Variants in PTPRM observed in about 807,000 individuals in gnomAD.
PTPRM encodes the protein receptor-type tyrosine-protein phosphatase mu.
A neutral mutation model predicts 186.7 loss-of-function variants in PTPRM; 47 were observed. The observed-to-expected ratio is 0.25, with a 90% CI of 0.20 to 0.32. PTPRM has a LOEUF of 0.32. Ranked by LOEUF, PTPRM falls within the 10% of genes least tolerant of loss-of-function variation. The pLI, the probability that PTPRM is intolerant of heterozygous loss-of-function variation, is 1.00. For synonymous variants in PTPRM, 668 were observed against 674.9 expected (o/e 0.99, Z 0.16); for missense variants, 1,494 against 1,865.0 (o/e 0.80, Z 3.66).
intron 14 of PTPRM, among the ~76,000 whole-genome samples, chr18:8,243,252 A>T (rs1350934642): frequency 1.3e-5 from 2 of 152,322 alleles, no homozygotes; most frequent in East Asian, 3.9e-4. Context: ...TCTCCAAAAG[A>T]ATTAGAAATC....
chr18:8,145,543 A>C (rs973496360), intron 14 of PTPRM, among the ~76,000 whole-genome samples: 3 of 151,796 alleles, frequency 2.0e-5, no homozygotes, highest in Non-Finnish European at 4.4e-5. Flanking sequence ...TCATTGTTCA[A>C]CTCCCACATA....
chr18:7,632,382 A>G (rs1280460046), intron 1 of PTPRM, among the ~76,000 whole-genome samples: 1 of 152,206 alleles, frequency 6.6e-6, no homozygotes, highest in African/African-American at 2.4e-5. Flanking sequence ...CACAGATAGT[A>G]AGGGTAAAAT....
At position 8,126,027 on chromosome 18, in the gene PTPRM, A is replaced by ATTTTTT. The variant is rs752110255; in HGVS notation, c.2167+11204_2167+11205insTTTTTT. The stretch of plus-strand genomic sequence containing the variant: ...TATATATATATATATATATATATAT[A>ATTTTTT]TTTTAAATCAGTAGACCTTTCCATT... On this transcript the variant is annotated intron_variant, in intron 13 of 32. Transcript: ENST00000580170. Among the ~76,000 whole-genome samples, 122 of 69,510 alleles carry ATTTTTT rather than the reference A, an allele frequency of 1.8e-3. 5 individuals carry two copies. Among genetic ancestry groups the ATTTTTT allele is most frequent in the East Asian group, 8.2e-3 (15 of 1,820 alleles). The allele number at this position is 69,510 out of a possible 152,430, so 45.6% of individuals were successfully genotyped here. A position where few individuals can be genotyped will look rare whatever the true frequency, so the allele number is the denominator to read the frequency against.
intron 32 of PTPRM, among the ~76,000 whole-genome samples, chr18:8,398,108 A>C (rs2095853700): frequency 6.6e-6 from 1 of 152,074 alleles, no homozygotes; most frequent in Non-Finnish European, 1.5e-5. Context: ...AAGTAGCTGG[A>C]ACTAAAGGGG....
intron 1 of PTPRM, among the ~76,000 whole-genome samples, chr18:7,582,903 A>G (rs1309729138): frequency 6.6e-6 from 1 of 152,202 alleles, no homozygotes; most frequent in Non-Finnish European, 1.5e-5. Flanking sequence ...TAATAGCCTC[A>G]TTAAACTTGA....
intron 14 of PTPRM, among the ~76,000 whole-genome samples, chr18:8,163,978 G>A (rs970938928): frequency 1.2e-4 from 18 of 152,238 alleles, no homozygotes; most frequent in Admixed American, 8.5e-4. Flanking sequence ...GTGATAATAC[G>A]TGAAGAACTT....
intron 2 of PTPRM, among the ~76,000 whole-genome samples, chr18:7,819,987 G>T (rs2045094931): frequency 6.6e-6 from 1 of 152,186 alleles, no homozygotes; most frequent in African/African-American, 2.4e-5. Flanking sequence ...TAAAGTGGAT[G>T]GTCTCATGTT....
At chr18:7,623,088 G>T in intron 1 of PTPRM, among the ~76,000 whole-genome samples, 1 of 151,898 alleles carries the variant, frequency 6.6e-6, no homozygotes, top group Middle Eastern at 3.2e-3. Context: ...TGTTAAACTT[G>T]CTTATTTTAG....
chr18:7,801,346 A>G (rs564975885), intron 2 of PTPRM, among the ~76,000 whole-genome samples: 1 of 152,180 alleles, frequency 6.6e-6, no homozygotes, highest in South Asian at 2.1e-4. Flanking sequence ...AAGTAAGACC[A>G]AACATCTTAC....
chr18:7,771,506 A>G (rs1206637043), intron 1 of PTPRM, among the ~76,000 whole-genome samples: 1 of 152,246 alleles, frequency 6.6e-6, no homozygotes, highest in Non-Finnish European at 1.5e-5. Context: ...ACTCAGTAAG[A>G]GGGCAATATA....
chr18:8,336,500 C>T (rs894028418), intron 22 of PTPRM, among the ~76,000 whole-genome samples: 7 of 151,334 alleles, frequency 4.6e-5, no homozygotes, highest in South Asian at 4.2e-4. Flanking sequence ...TACAGTGAGC[C>T]GTGATCATAC....
At chr18:7,888,944 A>G (rs905943601) in intron 3 of PTPRM, among the ~76,000 whole-genome samples, 1 of 152,208 alleles carries the variant, frequency 6.6e-6, no homozygotes, top group African/African-American at 2.4e-5. Flanking sequence ...AAAGATGGGA[A>G]TAGTAGACAC....
chr18:8,313,469 G>A (rs2095284681), intron 20 of PTPRM, among the ~76,000 whole-genome samples: 2 of 152,106 alleles, frequency 1.3e-5, no homozygotes, highest in African/African-American at 4.8e-5. Context: ...AGTTATTTTG[G>A]GGGTAAATCT....
At chr18:7,960,092 GT>G (rs1384025040) in intron 7 of PTPRM, among the ~76,000 whole-genome samples, 2 of 152,084 alleles carry the variant, frequency 1.3e-5, no homozygotes, top group Admixed American at 1.3e-4. Context: ...GCTTTTTTAT[GT>G]GTTTTATTTG....
chr18:7,949,116 T>G, intron 5 of PTPRM, 65 bp from the exon 6 acceptor site: 1 of 1,422,138 alleles, frequency 7.0e-7, no homozygotes, highest in South Asian at 1.3e-5. Flanking sequence ...CCATTGGGTG[T>G]CTGACTGTTT....
chr18:8,023,843 C>T (rs1347244685), intron 7 of PTPRM, among the ~76,000 whole-genome samples: 1 of 126,274 alleles, frequency 7.9e-6, no homozygotes, highest in African/African-American at 2.7e-5. Flanking sequence ...CACACACACA[C>T]ACACACACAC....
intron 2 of PTPRM, among the ~76,000 whole-genome samples, chr18:7,787,309 C>T (rs1206765422): frequency 6.6e-6 from 1 of 152,156 alleles, no homozygotes; most frequent in Non-Finnish European, 1.5e-5. Flanking sequence ...GGAAAAAATG[C>T]TGGGAAGAGA....
rs983641074 is a variant in PTPRM at position 7,974,025 on chromosome 18, T to C, written c.1132+18611T>C. Among the ~76,000 whole-genome samples the C allele has an allele frequency of 4.6e-5, 7 of 151,584 alleles. No individual in the cohort carries two copies. The South Asian group carries it at 1.5e-3, about 32-fold the overall frequency. ...GGGCTGAGGAGCCTTCTGGGGACAG[T>C]TCCTTTGCACTTCAATGATGCGCGA... On this transcript the variant is annotated intron_variant, in intron 7 of 32. Transcript: ENST00000580170.
chr18:8,335,542 G>A (rs1210404768), intron 22 of PTPRM, among the ~76,000 whole-genome samples: 1 of 152,158 alleles, frequency 6.6e-6, no homozygotes, highest in Non-Finnish European at 1.5e-5. Context: ...TAGACAGTAT[G>A]AAATACTTTC....
Sources: allele counts gnomAD v4.1 joint callset (sites outside exome capture counted in the v4.1 genomes callset), GRCh38; gene constraint gnomAD v4.1.1; transcripts MANE v1.5; gene names NCBI Gene and HGNC (gene_info 2026-07-23, HGNC 2026-07-21).